The following MKRN2 variants were observed in gnomAD, a reference collection of about 807,000 sequenced individuals.
MKRN2 encodes the protein makorin ring finger protein 2, also known as E3 ubiquitin-protein ligase makorin-2.
In MKRN2, 32 loss-of-function variants were observed where a neutral mutation model predicts 45.4. That is an observed-to-expected ratio of 0.70 (90% CI 0.53 to 0.95). The LOEUF (loss-of-function observed/expected upper bound fraction) is 0.95, where lower values mean the gene tolerates loss of function less well. MKRN2 is among the 40% of genes least tolerant of loss of function. MKRN2 has a pLI of 0.00. For missense variants in MKRN2, 526 were observed against 536.7 expected (o/e 0.98, Z 0.20); for synonymous variants, 206 against 192.4 (o/e 1.07, Z -0.59).
Position 12,582,317 on chromosome 3 carries a change from C to CGCT in MKRN2, c.*65_*66insCTG. On this transcript the variant is annotated 3_prime_UTR_variant, in exon 8 of 8. Transcript: ENST00000170447. ...CGAAACTTTCCCAAGCCAGGGTGTG[C>CGCT]GGAGCTTCCCTGTACTGCAGCCAAG... 1.9e-6 allele frequency: 3 copies of CGCT among 1,598,892 alleles called. No homozygotes were observed.
At chr3:12,578,858 ATTTTTTT>A (rs374121518) in intron 6 of MKRN2, among the ~76,000 whole-genome samples, 5 of 125,230 alleles carry the variant, frequency 4.0e-5, no homozygotes, top group African/African-American at 1.5e-4. Flanking sequence ...CTAAAGCTTG[ATTTTTTT>A]TTTTTTTTTT....
At position 12,582,206 on chromosome 3, in the gene MKRN2, G is replaced by A. The variant is rs771144793; in HGVS notation, c.1204G>A (p.Gly402Arg). 32 of 1,614,036 alleles carry A rather than the reference G, an allele frequency of 2.0e-5. No individual in the cohort carries two copies. The highest frequency in any genetic ancestry group is 1.8e-4 in the South Asian group (16 of 91,042). ...NNEDVDMTELGDLFMHLSGVE... is the reference protein window; with the variant it reads ...NNEDVDMTELRDLFMHLSGVE... ...TGAAGATGTCGACATGACAGAGCTC[G>A]GGGACCTCTTCATGCACCTTTCTGG... Residue 402 changes from glycine (G) to arginine (R), a missense_variant, in exon 8 of 8, where the codon GGG becomes AGG. Gly to Arg is a moderately radical substitution (Grantham distance 125). Coordinates refer to ENST00000170447, the MANE Select transcript of MKRN2 (RefSeq NM_014160.5).
intron 1 of MKRN2, among the ~76,000 whole-genome samples, chr3:12,561,270 G>C (rs1009864336): frequency 3.9e-5 from 6 of 152,210 alleles, no homozygotes; most frequent in Non-Finnish European, 7.3e-5. Context: ...TTGTATTTTA[G>C]TGGAAGAGAT....
intron 1 of MKRN2, among the ~76,000 whole-genome samples, chr3:12,558,811 C>T (rs550435337): frequency 2.2e-4 from 34 of 152,286 alleles, no homozygotes; most frequent in African/African-American, 7.9e-4. Flanking sequence ...GAAGGGATCA[C>T]TTCTGTTTAA....
chr3:12,577,624 A>G (rs1490488190), intron 6 of MKRN2, among the ~76,000 whole-genome samples: 1 of 152,096 alleles, frequency 6.6e-6, no homozygotes, highest in Non-Finnish European at 1.5e-5. Flanking sequence ...GACATTGTAA[A>G]TATTACATTG....
At chr3:12,575,547 GT>G (rs1351828613) in intron 5 of MKRN2, among the ~76,000 whole-genome samples, 1 of 152,160 alleles carries the variant, frequency 6.6e-6, no homozygotes, top group Non-Finnish European at 1.5e-5. Context: ...GCGTTCTACT[GT>G]TCAGAACTCC....
intron 1 of MKRN2, among the ~76,000 whole-genome samples, chr3:12,568,445 A>G (rs1418016331): frequency 2.0e-5 from 3 of 152,218 alleles, no homozygotes; most frequent in Admixed American, 1.3e-4. Flanking sequence ...AAAGGTAGCA[A>G]GGCCCAGGGA....
At chr3:12,578,858 ATT>A (rs374121518) in intron 6 of MKRN2, among the ~76,000 whole-genome samples, 44 of 125,224 alleles carry the variant, frequency 3.5e-4, no homozygotes, top group East Asian at 1.5e-3. Flanking sequence ...CTAAAGCTTG[ATT>A]TTTTTTTTTT....
chr3:12,562,379 G>C (rs1235520220), intron 1 of MKRN2, among the ~76,000 whole-genome samples: 2 of 152,186 alleles, frequency 1.3e-5, no homozygotes, highest in African/African-American at 2.4e-5. Context: ...ACCTTCCTAA[G>C]GATAGCAGTC....
intron 6 of MKRN2, chr3:12,576,943 T>G (rs1218295858): frequency 1.6e-4 from 41 of 263,868 alleles, no homozygotes; most frequent in Middle Eastern, 1.1e-3. Flanking sequence ...GTTTTTTTTT[T>G]TTTTTTTTTT....
Position 12,570,152 on chromosome 3 carries a change from C to T in MKRN2, c.237C>T (p.His79=), listed in dbSNP as rs746670442. 6.2e-6 allele frequency: 10 copies of T among 1,614,058 alleles called. No individual in the cohort carries two copies. The highest frequency in any genetic ancestry group is 8.5e-6 in the Non-Finnish European group (10 of 1,180,042). ...MAHSVPSPAF[H]SPHPPSEVTA... is the part of the protein sequence containing the mutation. ...ACAGTGTGCCCTCCCCAGCTTTCCA[C>T]AGTCCTCACCCTCCTTCCGAGGTCA... Residue 79 remains histidine (H), a synonymous_variant, in exon 3 of 8, where the codon CAC becomes CAT. Transcript: ENST00000170447.
At position 12,582,273 on chromosome 3, in the gene MKRN2, C is replaced by G. The variant is rs777844482; in HGVS notation, c.*20C>G. The G allele has an allele frequency of 5.8e-5, 93 of 1,610,646 alleles. No individual in the cohort carries two copies. In the South Asian group the frequency reaches 9.7e-4, roughly 17 times the overall value. On this transcript the variant is annotated 3_prime_UTR_variant, in exon 8 of 8. Transcript: ENST00000170447. ...CCCTAAAGAGTAGATGGTTGCCCTG[C>G]ATCTTGGGCTCCATCGGCCGAAACT...
At position 12,583,083 on chromosome 3, in the gene MKRN2, G is replaced by C. The variant is rs1490289185; in HGVS notation, c.*830G>C. On this transcript the variant is annotated 3_prime_UTR_variant, in exon 8 of 8. Transcript: ENST00000170447. ...TTGTATTGAGAACTCAAATATACGT[G>C]CACTTACATGTGTGGTTCGTACTCA... 1 of 152,210 alleles carries C rather than the reference G, an allele frequency of 6.6e-6. No individual in the cohort carries two copies. The allele number at this position is 152,210 out of a possible 1,614,324, so 9.4% of individuals were successfully genotyped here.
At position 12,568,999 on chromosome 3, in the gene MKRN2, T is replaced by C; in HGVS notation, c.151T>C (p.Cys51Arg). 1 of 1,613,862 alleles carries C rather than the reference T, an allele frequency of 6.2e-7. No homozygotes were observed. Among genetic ancestry groups the C allele is most frequent in the Non-Finnish European group, 8.5e-7 (1 of 1,179,936 alleles). The change falls in exon 2 of 8, where the codon TGC becomes CGC. Residue 51 changes from cysteine to arginine, a missense_variant. Physicochemically the swap from Cys to Arg is radical, Grantham distance 180. Coordinates refer to ENST00000170447, the MANE Select transcript of MKRN2 (RefSeq NM_014160.5). ...GGGCTACTGTGCCTATGGAACTCGG[T>C]GCAGGCAAGGACTCTGCAACAGATT... ...QKGYCAYGTR[C>R]RYDHTRPSAA... is the part of the protein sequence containing the mutation.
rs530616215 is a variant in MKRN2 at position 12,581,850 on chromosome 3, C to T, written c.1011C>T (p.Cys337=). Residue 337 remains cysteine, a synonymous_variant, in exon 7 of 8, where the codon TGC becomes TGT. Transcript: ENST00000170447. ...ACTTTGAGCAAGGCAAGGGGACCTGCCCATTTGGAAGCAAATGTCTTTATC... is the reference window on the plus strand; with the variant it reads ...ACTTTGAGCAAGGCAAGGGGACCTGTCCATTTGGAAGCAAATGTCTTTATC... ...CKYFEQGKGT[C]PFGSKCLYRH... 1.2e-6 allele frequency: 2 copies of T among 1,614,162 alleles called. No individual in the cohort carries two copies. Among genetic ancestry groups the T allele is most frequent in the African/African-American group, 2.7e-5 (2 of 75,040 alleles).
chr3:12,580,352 G>T (rs1159655692), intron 6 of MKRN2, among the ~76,000 whole-genome samples: 1 of 152,148 alleles, frequency 6.6e-6, no homozygotes, highest in Non-Finnish European at 1.5e-5. Flanking sequence ...GCAAGCAGGG[G>T]CCTGGAGGAT....
intron 1 of MKRN2, among the ~76,000 whole-genome samples, chr3:12,563,051 G>A (rs1036906349): frequency 6.6e-6 from 1 of 152,168 alleles, no homozygotes; most frequent in African/African-American, 2.4e-5. Context: ...ATTGGGGACT[G>A]CTGATCTAAT....
intron 3 of MKRN2, among the ~76,000 whole-genome samples, chr3:12,571,843 ATTTTTGT>A (rs542110285): frequency 1.7e-3 from 262 of 151,042 alleles, no homozygotes; most frequent in African/African-American, 5.7e-3. Context: ...CTGTCTTGCC[ATTTTTGT>A]TTTTTGTTTT....
chr3:12,568,922 C>G lies in MKRN2; in HGVS notation c.74C>G (p.Ser25Ter), dbSNP rs1174768545. The G allele has an allele frequency of 6.2e-7, 1 of 1,614,128 alleles. No individual in the cohort carries two copies. Among genetic ancestry groups the G allele is most frequent in the Non-Finnish European group, 8.5e-7 (1 of 1,180,010 alleles). ...CGGGAAGGAAGTCAGTGCCTATTCT[C>G]ACATGACTTGGCAAACAGCAAACCG... ...VCREGSQCLF[S>*]HDLANSKPST... Residue 25 changes from serine (S) to a stop codon, truncating the protein, a stop_gained, in exon 2 of 8, where the codon TCA becomes TGA. Transcript: ENST00000170447. LOFTEE classifies it high-confidence loss of function.
Sources: gnomAD v4.1 joint callset for allele counts (sites outside exome capture counted in the v4.1 genomes callset) on GRCh38, gnomAD v4.1.1 for gene constraint, MANE v1.5 for transcripts, NCBI Gene and HGNC (gene_info 2026-07-23, HGNC 2026-07-21) for gene names.